The following HEATR5A variants were observed in gnomAD, a reference collection of about 807,000 sequenced individuals.
The protein encoded by HEATR5A is HEAT repeat-containing protein 5A.
A neutral mutation model predicts 218.8 loss-of-function variants in HEATR5A; 178 were observed. That is an observed-to-expected ratio of 0.81 (90% confidence interval 0.72 to 0.92). HEATR5A has a LOEUF of 0.92. Ranked by LOEUF, HEATR5A falls within the 40% of genes least tolerant of loss-of-function variation. HEATR5A has a pLI of 0.00. For missense variants in HEATR5A, 2,420 were observed against 2,418.9 expected, an observed-to-expected ratio of 1.00 and a Z score of -0.01; for synonymous variants, 864 against 871.6, an observed-to-expected ratio of 0.99 and a Z score of 0.15.
chr14:31,299,945 A>C (rs953476414), intron 33 of HEATR5A, among the ~76,000 whole-genome samples: 2 of 151,758 alleles, frequency 1.3e-5, no homozygotes, highest in African/African-American at 4.8e-5. Flanking sequence ...CTGAGGCAGG[A>C]GAATCACTTG....
At chr14:31,398,463 C>T (rs553704791) in intron 4 of HEATR5A, among the ~76,000 whole-genome samples, 2 of 152,314 alleles carry the variant, frequency 1.3e-5, no homozygotes, top group South Asian at 2.1e-4. Flanking sequence ...TATATGAATA[C>T]ATGAAATTCT....
intron 24 of HEATR5A, among the ~76,000 whole-genome samples, chr14:31,322,099 CTCTT>C (rs1471641565): frequency 1.2e-4 from 18 of 152,166 alleles, no homozygotes; most frequent in Admixed American, 3.3e-4. Flanking sequence ...TTTTATGCGG[CTCTT>C]TCTATGAACG....
intron 22 of HEATR5A, among the ~76,000 whole-genome samples, chr14:31,332,941 G>A (rs914415363): frequency 2.1e-4 from 31 of 150,518 alleles, no homozygotes; most frequent in African/African-American, 5.1e-4. Flanking sequence ...AGCCAAGATC[G>A]CGCCACTGCA....
rs1453609733 is a variant in HEATR5A at position 31,403,198 on chromosome 14, G to A, written c.-74-149C>T. On this transcript the variant is annotated intron_variant, in intron 1 of 35. Coordinates refer to ENST00000543095, the MANE Select transcript of HEATR5A (RefSeq NM_015473.4). Reference sequence around the variant, plus strand: ...CTGGGAAAATCCCAATAATGTTCTAGTTAACACTGACATAAAATCCACCCT... The same window carrying A: ...CTGGGAAAATCCCAATAATGTTCTAATTAACACTGACATAAAATCCACCCT... The A allele has an allele frequency of 8.7e-6, 4 of 459,690 alleles. No individual in the cohort carries two copies. The South Asian group carries it at 1.2e-4, about 14-fold the overall frequency. 28.5% of individuals were successfully genotyped at this position (459,690 alleles called of 1,614,324 possible).
intron 1 of HEATR5A, among the ~76,000 whole-genome samples, chr14:31,416,308 G>A (rs2031446054): frequency 1.3e-5 from 2 of 151,926 alleles, no homozygotes; most frequent in South Asian, 2.1e-4. Flanking sequence ...TTTTAGTAGA[G>A]ACGGGGTTTC....
At chr14:31,405,234 G>C (rs2031019489) in intron 1 of HEATR5A, among the ~76,000 whole-genome samples, 1 of 152,060 alleles carries the variant, frequency 6.6e-6, no homozygotes, top group African/African-American at 2.4e-5. Context: ...AGGCGTTTGA[G>C]ACCAGCCTGG....
Position 31,335,934 on chromosome 14 carries a change from C to T in HEATR5A, c.3367+1542G>A, listed in dbSNP as rs140288477. ...CCTCCCGAAGTACTGGGATTACAAG[C>T]GTGAGCCACTGTGACCAGCCAGGGT... On this transcript the variant is annotated intron_variant, in intron 22 of 35. Transcript: ENST00000543095. Among the ~76,000 whole-genome samples the T allele has an allele frequency of 1.9e-3, 286 of 151,084 alleles. 5 individuals carry two copies. Among genetic ancestry groups the T allele is most frequent in the African/African-American group, 6.5e-3 (269 of 41,234 alleles).
chr14:31,388,793 T>C (rs1188485774), intron 7 of HEATR5A, 52 bp downstream of exon 7: 3 of 1,477,500 alleles, frequency 2.0e-6, no homozygotes, highest in Non-Finnish European at 2.8e-6. Flanking sequence ...TACTAAAACT[T>C]TCATTATAGG....
At chr14:31,402,762 G>A (rs1182852626) in intron 2 of HEATR5A, 88 bp downstream of exon 2, 4 of 1,243,668 alleles carry the variant, frequency 3.2e-6, no homozygotes, top group Non-Finnish European at 4.4e-6. Flanking sequence ...AGCTAAATTA[G>A]GTTATTCTGG....
chr14:31,379,305 C>G (rs1046501129), intron 11 of HEATR5A, among the ~76,000 whole-genome samples: 1 of 151,748 alleles, frequency 6.6e-6, no homozygotes, highest in South Asian at 2.1e-4. Context: ...AGCTGGAGTG[C>G]AGTGGTGCAA....
rs559157649 is a variant in HEATR5A, at chr14:31,294,982, A to G, written c.5620-878T>C. On this transcript the variant is annotated intron_variant, in intron 34 of 35. Transcript: ENST00000543095. The stretch of plus-strand genomic sequence containing the variant: ...ACAGGACAGACGATAAAAGGAAATG[A>G]CTATACATCAAAGATATAAATAAAC... Among the ~76,000 whole-genome samples, 96 of 152,316 alleles carry G rather than the reference A, an allele frequency of 6.3e-4. 2 individuals carry two copies. The highest frequency in any genetic ancestry group is 2.3e-3 in the African/African-American group (95 of 41,574).
At chr14:31,303,530 A>G (rs1335361608) in intron 32 of HEATR5A, among the ~76,000 whole-genome samples, 1 of 152,238 alleles carries the variant, frequency 6.6e-6, no homozygotes, top group Admixed American at 6.5e-5. Context: ...ATAATCTGCT[A>G]GATTTCACAG....
rs543656441 is a variant in HEATR5A at position 31,319,445 on chromosome 14, G to A, written c.3970-1153C>T. On this transcript the variant is annotated intron_variant, in intron 25 of 35. Transcript: ENST00000543095. Reference sequence around the variant, plus strand: ...TGGGATTACAGGCATGAGCCACCGCGCCCGGCCTCTAATATGACAGTTCTA... The same window carrying A: ...TGGGATTACAGGCATGAGCCACCGCACCCGGCCTCTAATATGACAGTTCTA... Among the ~76,000 whole-genome samples, 14 of 152,272 alleles carry A rather than the reference G, an allele frequency of 9.2e-5. No individual in the cohort carries two copies. The East Asian group carries it at 1.5e-3, about 17-fold the overall frequency.
chr14:31,317,746 C>T (rs1390264488), intron 26 of HEATR5A, among the ~76,000 whole-genome samples: 1 of 152,104 alleles, frequency 6.6e-6, no homozygotes, highest in African/African-American at 2.4e-5. Flanking sequence ...TTTATTGTAT[C>T]GTATAGACAA....
chr14:31,308,279 G>C (rs1255522820), intron 29 of HEATR5A, among the ~76,000 whole-genome samples: 2 of 152,028 alleles, frequency 1.3e-5, no homozygotes, highest in Non-Finnish European at 2.9e-5. Context: ...AGGCCAAGGT[G>C]GGCGGATCAT....
intron 9 of HEATR5A, 77 bp downstream of exon 9, chr14:31,386,343 G>C: frequency 9.7e-7 from 1 of 1,026,884 alleles, no homozygotes; most frequent in Non-Finnish European, 1.4e-6. Flanking sequence ...CTATAAGTAA[G>C]CTATATGAAG....
chr14:31,391,740 T>C (rs964999722), intron 6 of HEATR5A, among the ~76,000 whole-genome samples: 3 of 152,234 alleles, frequency 2.0e-5, no homozygotes, highest in Non-Finnish European at 4.4e-5. Flanking sequence ...TTTTATATCA[T>C]ATTTATACTG....
intron 34 of HEATR5A, chr14:31,295,409 G>GTTAA (rs930044215): frequency 1.3e-5 from 2 of 152,350 alleles, no homozygotes; most frequent in African/African-American, 2.4e-5. Context: ...CCCACACCAG[G>GTTAA]TTAATTTTTG....
At chr14:31,349,417 T>A (rs978718051) in intron 18 of HEATR5A, among the ~76,000 whole-genome samples, 1 of 152,140 alleles carries the variant, frequency 6.6e-6, no homozygotes, top group African/African-American at 2.4e-5. Flanking sequence ...ACCGTTTGTT[T>A]CCTCATCTGC....
Sources: gnomAD v4.1 joint callset for allele counts (sites outside exome capture counted in the v4.1 genomes callset) on GRCh38, gnomAD v4.1.1 for gene constraint, MANE v1.5 for transcripts, NCBI Gene and HGNC (gene_info 2026-07-23, HGNC 2026-07-21) for gene names.